RORB: variants seen among roughly 807,000 people sequenced by gnomAD.
RORB encodes nuclear receptor ROR-beta.
RORB carries 6 observed loss-of-function variants against 59.1 expected under a neutral mutation model. That is an observed-to-expected ratio of 0.10 (90% CI 0.06 to 0.20). The LOEUF (loss-of-function observed/expected upper bound fraction) is 0.20. RORB is among the 10% of genes least tolerant of loss of function. RORB has a pLI of 1.00. For synonymous variants in RORB, 215 were observed against 204.5 expected (o/e 1.05, Z -0.44); for missense variants, 320 against 560.5 (o/e 0.57, Z 4.33).
intron 1 of RORB, among the ~76,000 whole-genome samples, chr9:74,586,600 CGTGTGT>C (rs1313500289): frequency 5.0e-4 from 70 of 141,282 alleles, no homozygotes; most frequent in South Asian, 2.6e-3. Context: ...ATGTAATGTC[CGTGTGT>C]GTGTGTGTGT....
At chr9:74,644,618 G>GA (rs1422179514) in intron 4 of RORB, among the ~76,000 whole-genome samples, 4 of 152,124 alleles carry the variant, frequency 2.6e-5, no homozygotes, top group African/African-American at 9.7e-5. Context: ...AACTAATAGG[G>GA]ACGGTCATTT....
chr9:74,564,612 T>G (rs998106996), intron 1 of RORB, among the ~76,000 whole-genome samples: 5 of 152,224 alleles, frequency 3.3e-5, no homozygotes, highest in African/African-American at 1.2e-4. Context: ...AGTCATTACT[T>G]TGTATAGCCG....
intron 1 of RORB, among the ~76,000 whole-genome samples, chr9:74,603,231 C>T (rs1010901113): frequency 6.6e-6 from 1 of 152,144 alleles, no homozygotes; most frequent in African/African-American, 2.4e-5. Flanking sequence ...GAAGAAAACA[C>T]AGGCACTCAT....
In RORB at chr9:74,563,614, C is replaced by T. The variant is rs111359763; in HGVS notation, c.7+65631C>T. Among the ~76,000 whole-genome samples the T allele has an allele frequency of 9.6e-4, 146 of 152,290 alleles. 1 individual carries two copies. Among genetic ancestry groups the T allele is most frequent in the African/African-American group, 3.4e-3 (142 of 41,558 alleles). On this transcript the variant is annotated intron_variant, in intron 1 of 9. Transcript: ENST00000376896. ...GGATTTGTCCAACATTCCTTTGTGACTAGATTGAAGTTGTACATTTTTGAC... is the reference window on the plus strand; with the variant it reads ...GGATTTGTCCAACATTCCTTTGTGATTAGATTGAAGTTGTACATTTTTGAC...
intron 1 of RORB, among the ~76,000 whole-genome samples, chr9:74,556,308 G>A (rs984391719): frequency 2.6e-5 from 4 of 152,150 alleles, no homozygotes; most frequent in Non-Finnish European, 4.4e-5. Context: ...GCTGTAGGTC[G>A]TAGGACCCTC....
intron 9 of RORB, among the ~76,000 whole-genome samples, chr9:74,678,903 G>A (rs1424596119): frequency 6.6e-6 from 1 of 151,760 alleles, no homozygotes; most frequent in African/African-American, 2.4e-5. Flanking sequence ...ATGGTGGCAA[G>A]TGCCTGTAAT....
intron 7 of RORB, among the ~76,000 whole-genome samples, 188 bp from the exon 8 acceptor site, chr9:74,667,603 T>A (rs1467205889): frequency 1.3e-5 from 2 of 152,234 alleles, no homozygotes; most frequent in Admixed American, 6.5e-5. Flanking sequence ...CTGGCCAAGA[T>A]GTTGCCCAAT....
intron 1 of RORB, among the ~76,000 whole-genome samples, chr9:74,606,366 C>T (rs561133512): frequency 1.3e-5 from 2 of 152,316 alleles, no homozygotes; most frequent in Non-Finnish European, 2.9e-5. Context: ...TTCAATGATG[C>T]TAAATCCACA....
Position 74,642,534 on chromosome 9 carries a change from C to T in RORB, c.356C>T (p.Ala119Val), listed in dbSNP as rs781439546. 1.3e-5 allele frequency: 21 copies of T among 1,614,072 alleles called. No individual in the cohort carries two copies. The South Asian group carries it at 2.3e-4, about 18-fold the overall frequency. The change falls in exon 4 of 10, where the codon GCC becomes GTC. Residue 119 changes from alanine to valine, a missense_variant. Around this residue, in one of 4 missense-constraint regions of RORB, gnomAD observed 134 missense variants for 156.2 expected, o/e 0.86. Coordinates refer to ENST00000376896, the MANE Select transcript of RORB (RefSeq NM_006914.4). ...QQQSGEAEAL[A>V]RVYSSSISNG... is the part of the protein sequence containing the mutation. ...CAGAGTGGGGAGGCAGAAGCCCTTG[C>T]CAGGGTGTACAGCAGCAGCATTAGC...
chr9:74,615,706 T>A (rs1461268613), intron 1 of RORB: 1 of 377,716 alleles, frequency 2.6e-6, no homozygotes, highest in African/African-American at 2.1e-5. Context: ...GGCAAGGAAG[T>A]AAGCATTTAT....
intron 1 of RORB, among the ~76,000 whole-genome samples, chr9:74,620,522 G>A (rs1411254416): frequency 1.3e-5 from 2 of 151,802 alleles, no homozygotes; most frequent in African/African-American, 2.4e-5. Context: ...TTTTTTGAAG[G>A]GTTTTTTTGT....
intron 1 of RORB, among the ~76,000 whole-genome samples, chr9:74,531,997 A>G (rs1019661542): frequency 2.6e-5 from 4 of 151,952 alleles, no homozygotes; most frequent in Admixed American, 2.6e-4. Context: ...AAAAACCTTC[A>G]GTGTTTCTTT....
intron 1 of RORB, among the ~76,000 whole-genome samples, chr9:74,608,529 A>G (rs918778089): frequency 4.1e-5 from 6 of 145,660 alleles, no homozygotes; most frequent in African/African-American, 1.3e-4. Context: ...GCGCCACTGC[A>G]CTCCAGCCTG....
At chr9:74,675,055 C>T (rs557382847) in intron 9 of RORB, among the ~76,000 whole-genome samples, 1 of 152,164 alleles carries the variant, frequency 6.6e-6, no homozygotes, top group South Asian at 2.1e-4. Flanking sequence ...ATTATTTCGG[C>T]AGAGACATTT....
chr9:74,588,393 A>G (rs1047042760), intron 1 of RORB, among the ~76,000 whole-genome samples: 6 of 152,210 alleles, frequency 3.9e-5, no homozygotes, highest in Non-Finnish European at 8.8e-5. Context: ...TGAGGAAAAT[A>G]TTGACTTTGA....
At chr9:74,578,796 A>G (rs1200827693) in intron 1 of RORB, among the ~76,000 whole-genome samples, 1 of 152,088 alleles carries the variant, frequency 6.6e-6, no homozygotes, top group Non-Finnish European at 1.5e-5. Context: ...TTAACTCACT[A>G]CTGGGGTTCT....
At chr9:74,619,521 G>A (rs1823373510) in intron 1 of RORB, among the ~76,000 whole-genome samples, 1 of 152,084 alleles carries the variant, frequency 6.6e-6, no homozygotes, top group Admixed American at 6.5e-5. Flanking sequence ...GCGCGATCTT[G>A]GCTCACTGCA....
Position 74,497,845 on chromosome 9 carries a change from G to A in RORB, c.-132G>A, listed in dbSNP as rs1249241130. 4 of 1,114,072 alleles carry A rather than the reference G, an allele frequency of 3.6e-6. No homozygotes were observed. The East Asian group carries it at 7.7e-5, about 21-fold the overall frequency. The allele number at this position is 1,114,072 out of a possible 1,614,324, so 69.0% of individuals were successfully genotyped here. On this transcript the variant is annotated 5_prime_UTR_variant, in exon 1 of 10. Coordinates refer to ENST00000376896, the MANE Select transcript of RORB (RefSeq NM_006914.4). ...CTGCAGCCACGGCGTCCGCCTAAAG[G>A]GATGGTTTTCTCGGCAGAGCAGCTC...
At chr9:74,498,289 C>A (rs1405630645) in intron 1 of RORB, 15 of 431,858 alleles carry the variant, frequency 3.5e-5, no homozygotes. Flanking sequence ...CTCTCGGGTG[C>A]GGAAGCGGAC....
Sources: allele counts gnomAD v4.1 joint callset (sites outside exome capture counted in the v4.1 genomes callset), GRCh38; gene constraint gnomAD v4.1.1; regional missense constraint gnomAD v4.1.1; transcripts MANE v1.5; gene names NCBI Gene and HGNC (gene_info 2026-07-23, HGNC 2026-07-21).